Variants in ARHGDIA observed in about 807,000 individuals in gnomAD.
The protein encoded by ARHGDIA is Rho GDP dissociation inhibitor alpha.
Under a neutral mutation model 25.0 loss-of-function variants are expected in ARHGDIA, and 9 were observed. That is an observed-to-expected ratio of 0.36 (90% CI 0.22 to 0.63). The LOEUF is 0.63. ARHGDIA is among the 20% of genes least tolerant of loss of function. ARHGDIA has a pLI of 0.69. For missense variants in ARHGDIA, 239 were observed against 264.3 expected (o/e 0.90, Z 0.66); for synonymous variants, 166 against 111.5 (o/e 1.49, Z -3.08).
In ARHGDIA at chr17:81,869,758, C is replaced by T. The variant is rs751812862; in HGVS notation, c.173G>A (p.Arg58His). 3 of 1,613,348 alleles carry T rather than the reference C, an allele frequency of 1.9e-6. No homozygotes were observed. The highest frequency in any genetic ancestry group is 1.7e-5 in the Admixed American group (1 of 59,964). ...AGACTCACCTGCGGAAACGGCCACGCGGCCCAGCAGGGCCTCCTTGTACTT... is the reference window on the plus strand; with the variant it reads ...AGACTCACCTGCGGAAACGGCCACGTGGCCCAGCAGGGCCTCCTTGTACTT... ...LRKYKEALLG[R>H]VAVSADPNVP... The change falls in exon 2 of 6, where the codon CGC (arginine) becomes CAC (histidine). Residue 58 changes from arginine (R) to histidine (H), a missense_variant. Coordinates refer to ENST00000269321, the MANE Select transcript of ARHGDIA (RefSeq NM_004309.6).
rs1434209123 is a variant in ARHGDIA at position 81,868,501 on chromosome 17, G to A, written c.*375C>T. 61 of 1,529,648 alleles carry A rather than the reference G, an allele frequency of 4.0e-5. No individual in the cohort carries two copies. The highest frequency in any genetic ancestry group is 2.5e-5 in the East Asian group (1 of 40,794). 94.8% of individuals were successfully genotyped at this position (1,529,648 alleles called of 1,614,324 possible). ...CCACCCCGGAGCAGCAGACGCACAC[G>A]TCCAGGGGCAACCACGGGGCCTGGA... On this transcript the variant is annotated 3_prime_UTR_variant, in exon 6 of 6. Coordinates refer to ENST00000269321, the MANE Select transcript of ARHGDIA (RefSeq NM_004309.6).
At chr17:81,871,259 C>A (rs1393916849) in intron 1 of ARHGDIA, 39 bp downstream of exon 1, 1 of 149,710 alleles carries the variant, frequency 6.7e-6, no homozygotes, top group Non-Finnish European at 1.5e-5. Context: ...CGACCCGCCG[C>A]CTCCGCCCCG....
rs2039148199 is a variant in ARHGDIA at position 81,868,734 on chromosome 17, C to T, written c.*142G>A. 6.5e-7 allele frequency: 1 copy of T among 1,534,746 alleles called. No individual in the cohort carries two copies. The highest frequency in any genetic ancestry group is 1.2e-5 in the South Asian group (1 of 83,008). ...GGGGGGTCGGAGGCACTCGGTTGAG[C>T]CAGGCCAGGGAGGCGGACCAGGGTG... On this transcript the variant is annotated 3_prime_UTR_variant, in exon 6 of 6. Coordinates refer to ENST00000269321, the MANE Select transcript of ARHGDIA (RefSeq NM_004309.6).
rs560565688 is a variant in ARHGDIA, at chr17:81,869,524, C to A, written c.274+18G>T. 6.2e-7 allele frequency: 1 copy of A among 1,600,376 alleles called. No homozygotes were observed. The highest frequency in any genetic ancestry group is 8.5e-7 in the Non-Finnish European group (1 of 1,173,152). On this transcript the variant is annotated intron_variant, in intron 3 of 5. Transcript: ENST00000269321. ...CCACCAGGGGCCGCCCGGACCCCCGCGGCCGCAGGGCACTCACCCGTCAGG... is the reference window on the plus strand; with the variant it reads ...CCACCAGGGGCCGCCCGGACCCCCGAGGCCGCAGGGCACTCACCCGTCAGG...
chr17:81,868,788 TTGGTA>T lies in ARHGDIA; in HGVS notation c.*83_*87del. On this transcript the variant is annotated 3_prime_UTR_variant, in exon 6 of 6. Transcript: ENST00000269321. ...GGGGCACGGAGGGCCTGTCAGCACT[TTGGTA>T]TGGGGAGGGGAGGGGCTGGGGGGGA... 1 of 1,568,542 alleles carries T rather than the reference TTGGTA, an allele frequency of 6.4e-7. No homozygotes were observed. Among genetic ancestry groups the T allele is most frequent in the Non-Finnish European group, 8.6e-7 (1 of 1,158,100 alleles).
At chr17:81,870,949 C>T (rs2143443785) in intron 1 of ARHGDIA, 1 of 151,266 alleles carries the variant, frequency 6.6e-6, no homozygotes, top group East Asian at 1.9e-4. Flanking sequence ...AGGAGGGGCC[C>T]TCAGGTCTGG....
Position 81,869,645 on chromosome 17 carries a change from G to A in ARHGDIA, c.191-20C>T. 6.6e-7 allele frequency: 1 copy of A among 1,519,938 alleles called. No individual in the cohort carries two copies. Among genetic ancestry groups the A allele is most frequent in the Non-Finnish European group, 8.8e-7 (1 of 1,134,264 alleles). 94.2% of individuals were successfully genotyped at this position (1,519,938 alleles called of 1,614,324 possible). ...TGGGGTCTGGGGAGTGACAGCAGGT[G>A]AGGGCCCCACCCCCACCAGTGGAAG... is the stretch of plus-strand genomic sequence containing the variant. On this transcript the variant is annotated intron_variant, in intron 2 of 5. Transcript: ENST00000269321.
Position 81,869,090 on chromosome 17 carries a change from A to G in ARHGDIA, c.416-15T>C. On this transcript the variant is annotated splice_polypyrimidine_tract_variant and intron_variant, in intron 5 of 5. Transcript: ENST00000269321. The stretch of plus-strand genomic sequence containing the variant: ...AGTCTTGTCAACTGCGGCACAAGGA[A>G]GAGGGCGGTCAGCGGCCCCGCTTCC... 1 of 1,612,876 alleles carries G rather than the reference A, an allele frequency of 6.2e-7. No homozygotes were observed. Among genetic ancestry groups the G allele is most frequent in the Non-Finnish European group, 8.5e-7 (1 of 1,179,602 alleles).
chr17:81,868,303 C>T lies in ARHGDIA; in HGVS notation c.*573G>A. ...GCCACCGGGGAAGGGACGGGGAGGC[C>T]ACATGCTCATGCAGACACAGGGAGT... On this transcript the variant is annotated 3_prime_UTR_variant, in exon 6 of 6. Coordinates refer to ENST00000269321, the MANE Select transcript of ARHGDIA (RefSeq NM_004309.6). 2.2e-6 allele frequency: 3 copies of T among 1,385,936 alleles called. No individual in the cohort carries two copies. Among genetic ancestry groups the T allele is most frequent in the Non-Finnish European group, 2.8e-6 (3 of 1,063,658 alleles). The allele number at this position is 1,385,936 out of a possible 1,614,324, so 85.9% of individuals were successfully genotyped here.
At chr17:81,869,453 G>C (rs773849890) in intron 3 of ARHGDIA, 47 bp from the exon 4 acceptor site, 7 of 1,612,214 alleles carry the variant, frequency 4.3e-6, no homozygotes, top group Non-Finnish European at 5.9e-6. Flanking sequence ...AGCCCTGCGC[G>C]AAGCCCCAGC....
intron 1 of ARHGDIA, chr17:81,870,792 G>A (rs954459427): frequency 2.0e-5 from 3 of 152,000 alleles, no homozygotes; most frequent in Non-Finnish European, 2.9e-5. Context: ...TAGGCGCCGG[G>A]ATCCTAGGGC....
Sources: allele counts gnomAD v4.1 joint callset, GRCh38; gene constraint gnomAD v4.1.1; transcripts MANE v1.5; gene names NCBI Gene and HGNC (gene_info 2026-07-23, HGNC 2026-07-21).